RELCH: variants seen among roughly 807,000 people sequenced by gnomAD.
The protein encoded by RELCH is RAB11 binding and LisH domain, coiled-coil and HEAT repeat containing.
A neutral mutation model predicts 150.3 loss-of-function variants in RELCH; 41 were observed. The ratio of observed to expected loss-of-function variants is 0.27; its 90% confidence interval spans 0.21 to 0.35. The LOEUF (loss-of-function observed/expected upper bound fraction) is 0.35, where lower values mean the gene tolerates loss of function less well. Ranked by LOEUF, RELCH falls within the 10% of genes least tolerant of loss-of-function variation. The pLI is 1.00. For missense variants in RELCH, 1,092 were observed against 1,467.8 expected (o/e 0.74, Z 4.18); for synonymous variants, 478 against 531.8 (o/e 0.90, Z 1.39).
intron 10 of RELCH, chr18:62,235,036 AT>A (rs1389230556): frequency 6.6e-6 from 1 of 151,956 alleles, no homozygotes; most frequent in Non-Finnish European, 1.5e-5. Flanking sequence ...GAAGATATAT[AT>A]ATCTATATGT....
intron 15 of RELCH, among the ~76,000 whole-genome samples, chr18:62,261,191 A>G (rs952751441): frequency 2.6e-5 from 4 of 152,042 alleles, no homozygotes; most frequent in Non-Finnish European, 5.9e-5. Flanking sequence ...AATTCTAACA[A>G]GAAAAAAGAT....
intron 1 of RELCH, among the ~76,000 whole-genome samples, chr18:62,196,344 C>T (rs1431783541): frequency 7.2e-5 from 11 of 152,292 alleles, no homozygotes; most frequent in African/African-American, 2.6e-4. Context: ...ACTCTGGTGC[C>T]TCAGCCTCCT....
rs2041305060 is a variant in RELCH, at chr18:62,227,702, T to A, written c.1154+13T>A. ...GAAGACTTAAAAGGTTAGTACTTGA[T>A]CATTATTCCTAAAAATCCTCTTAAG... On this transcript the variant is annotated intron_variant, in intron 7 of 28. Transcript: ENST00000644646. 1 of 1,324,838 alleles carries A rather than the reference T, an allele frequency of 7.5e-7. No individual in the cohort carries two copies. The highest frequency in any genetic ancestry group is 1.5e-5 in the African/African-American group (1 of 67,662). 82.1% of individuals were successfully genotyped at this position (1,324,838 alleles called of 1,614,324 possible).
At chr18:62,284,914 C>T (rs1213540502) in intron 25 of RELCH, among the ~76,000 whole-genome samples, 1 of 148,876 alleles carries the variant, frequency 6.7e-6, no homozygotes, top group East Asian at 2.2e-4. Flanking sequence ...AGCTATTTTA[C>T]TTAGTAAGAC....
intron 27 of RELCH, among the ~76,000 whole-genome samples, chr18:62,293,695 AAAG>A (rs1170444276): frequency 2.0e-5 from 3 of 152,072 alleles, no homozygotes; most frequent in African/African-American, 4.8e-5. Context: ...ATGGGGGAAA[AAAG>A]AAGGAAAAAT....
intron 28 of RELCH, chr18:62,301,136 G>A (rs939578133): frequency 6.6e-6 from 1 of 152,264 alleles, no homozygotes; most frequent in African/African-American, 2.4e-5. Flanking sequence ...GAGCAAAAGA[G>A]GATTACATGC....
At chr18:62,261,797 A>C in intron 16 of RELCH, 139 bp downstream of exon 16, 308 of 658,044 alleles carry the variant, frequency 4.7e-4, no homozygotes, top group Middle Eastern at 8.3e-4. Flanking sequence ...GTAGAATCTC[A>C]TGGTCATAAG....
In RELCH at chr18:62,309,884, T is replaced by G. The variant is rs987938997; in HGVS notation, c.*4350T>G. On this transcript the variant is annotated 3_prime_UTR_variant, in exon 29 of 29. Transcript: ENST00000644646. The stretch of plus-strand genomic sequence containing the variant: ...GTTGTGTGTTATGTATATTAAATTC[T>G]TGGTCAGTGATCTTTTTAGGGTGTC... 4 of 152,200 alleles carry G rather than the reference T, an allele frequency of 2.6e-5. No individual in the cohort carries two copies. Among genetic ancestry groups the G allele is most frequent in the Non-Finnish European group, 5.9e-5 (4 of 68,020 alleles). The allele number at this position is 152,200 out of a possible 1,614,324, so 9.4% of individuals were successfully genotyped here. A position where few individuals can be genotyped will look rare whatever the true frequency, so the allele number is the denominator to read the frequency against.
At chr18:62,237,506 T>C (rs2041936192) in intron 10 of RELCH, among the ~76,000 whole-genome samples, 1 of 151,846 alleles carries the variant, frequency 6.6e-6, no homozygotes, top group African/African-American at 2.4e-5. Flanking sequence ...TTCTATGCAC[T>C]ACTCTCTACT....
chr18:62,194,939 A>G (rs1465288058), intron 1 of RELCH, among the ~76,000 whole-genome samples: 1 of 152,212 alleles, frequency 6.6e-6, no homozygotes, highest in African/African-American at 2.4e-5. Flanking sequence ...TTTTAGATTT[A>G]GTGAATTATC....
chr18:62,248,977 A>C (rs1383407249), intron 11 of RELCH, among the ~76,000 whole-genome samples: 1 of 152,218 alleles, frequency 6.6e-6, no homozygotes, highest in Non-Finnish European at 1.5e-5. Context: ...GACTTGAACA[A>C]AGCATCCTGG....
Position 62,187,766 on chromosome 18 carries a change from G to T in RELCH, c.261G>T (p.Glu87Asp). The change falls in exon 1 of 29, where the codon GAG becomes GAT. Residue 87 changes from glutamate to aspartate, a missense_variant. This residue lies in a region of RELCH where 138 missense variants were observed against 124.8 expected (regional missense o/e 1.11). Coordinates refer to ENST00000644646, the MANE Select transcript of RELCH (RefSeq NM_001346231.2). ...CAGTGGCCCTGGGGGGCACCGGGGA[G>T]ACCCCGGCCCGATTATCAATTGATG... ...AAAVALGGTGETPARLSIDAI... is the reference protein window; with the variant it reads ...AAAVALGGTGDTPARLSIDAI... 6.2e-7 allele frequency: 1 copy of T among 1,610,458 alleles called. No individual in the cohort carries two copies. Among genetic ancestry groups the T allele is most frequent in the Non-Finnish European group, 8.5e-7 (1 of 1,178,308 alleles).
chr18:62,252,731 C>G lies in RELCH; in HGVS notation c.1801C>G (p.Leu601Val). 6.2e-7 allele frequency: 1 copy of G among 1,613,596 alleles called. No homozygotes were observed. The highest frequency in any genetic ancestry group is 8.5e-7 in the Non-Finnish European group (1 of 1,179,600). Residue 601 changes from leucine to valine, a missense_variant, in exon 12 of 29, where the codon CTT becomes GTT. By Grantham distance (32) the Leu-to-Val change is conservative. Coordinates refer to ENST00000644646, the MANE Select transcript of RELCH (RefSeq NM_001346231.2). ...TGGACCAACACGTGTAGAAGCTGAA[C>G]TTTTACCACAGTGTTGGGAACAGGT... ...HVGPTRVEAE[L>V]LPQCWEQINH...
intron 15 of RELCH, among the ~76,000 whole-genome samples, chr18:62,260,906 TGG>T (rs761264927): frequency 1.6e-4 from 24 of 151,828 alleles, no homozygotes; most frequent in Non-Finnish European, 2.9e-4. Context: ...GACCAGAAGC[TGG>T]GGTCTGGGGG....
At chr18:62,253,327 ATT>A (rs1179647103) in intron 12 of RELCH, among the ~76,000 whole-genome samples, 3 of 150,670 alleles carry the variant, frequency 2.0e-5, no homozygotes, top group Non-Finnish European at 4.4e-5. Context: ...AGAAATATAT[ATT>A]GTATACTTGT....
At chr18:62,233,843 AC>A (rs1238630786) in intron 10 of RELCH, among the ~76,000 whole-genome samples, 2 of 151,900 alleles carry the variant, frequency 1.3e-5, no homozygotes, top group Non-Finnish European at 2.9e-5. Flanking sequence ...ATAAAAGACT[AC>A]CATTAAAATG....
At position 62,261,545 on chromosome 18, in the gene RELCH, A is replaced by C. The variant is rs774903382; in HGVS notation, c.2237A>C (p.His746Pro). 6.2e-7 allele frequency: 1 copy of C among 1,612,056 alleles called. No homozygotes were observed. Among genetic ancestry groups the C allele is most frequent in the East Asian group, 2.2e-5 (1 of 44,792 alleles). ...CATGGACTGGATGAACACAAACTCC[A>C]CATGTATCTTTCTGCCTTGCAGTCC... ...GEHGLDEHKL[H>P]MYLSALQSLI... The change falls in exon 16 of 29, where the codon CAC (histidine) becomes CCC (proline). Residue 746 changes from histidine (H) to proline (P), a missense_variant. Physicochemically the swap from His to Pro is moderately conservative, Grantham distance 77 (BLOSUM62 -2). Coordinates refer to ENST00000644646, the MANE Select transcript of RELCH (RefSeq NM_001346231.2).
At position 62,282,420 on chromosome 18, in the gene RELCH, G is replaced by A. The variant is rs561355384; in HGVS notation, c.3229G>A (p.Ala1077Thr). 151 of 1,612,490 alleles carry A rather than the reference G, an allele frequency of 9.4e-5. 1 individual carries two copies. In the Middle Eastern group the frequency reaches 1.3e-3, roughly 14 times the overall value. ...IKTFGRVGPNAEPRFRDEFVI... is the reference protein window; with the variant it reads ...IKTFGRVGPNTEPRFRDEFVI... ...AACATTTGGTAGAGTTGGCCCTAAC[G>A]CAGAACCCAGGTTCCGAGATGAGTG... The change falls in exon 25 of 29, where the codon GCA becomes ACA. Residue 1077 changes from alanine (A) to threonine (T), a missense_variant. Physicochemically the swap from Ala to Thr is moderately conservative, Grantham distance 58. Transcript: ENST00000644646.
At chr18:62,296,740 T>C (rs2045429098) in intron 27 of RELCH, among the ~76,000 whole-genome samples, 1 of 152,244 alleles carries the variant, frequency 6.6e-6, no homozygotes, top group Non-Finnish European at 1.5e-5. Flanking sequence ...GGATGTTAGA[T>C]ATTGTCAAAT....
Sources: gnomAD v4.1 joint callset for allele counts (sites outside exome capture counted in the v4.1 genomes callset) on GRCh38, gnomAD v4.1.1 for gene constraint, gnomAD v4.1.1 regional missense constraint, MANE v1.5 for transcripts, NCBI Gene and HGNC (gene_info 2026-07-23, HGNC 2026-07-21) for gene names.